BZW1: variants seen among roughly 807,000 people sequenced by gnomAD.
The protein encoded by BZW1 is eIF5-mimic protein 2.
In BZW1, 3 loss-of-function variants were observed where a neutral mutation model predicts 54.1. The ratio of observed to expected loss-of-function variants is 0.06; its 90% CI spans 0.03 to 0.14. The LOEUF is 0.14. BZW1 is among the 10% of genes least tolerant of loss of function. The pLI, the probability that BZW1 is intolerant of heterozygous loss-of-function variation, is 1.00. For missense variants in BZW1, 206 were observed against 491.7 expected, an observed-to-expected ratio of 0.42 and a Z score of 5.50; for synonymous variants, 152 against 162.7, an observed-to-expected ratio of 0.93 and a Z score of 0.50.
At chr2:200,819,796 A>T (rs1347685088) in intron 9 of BZW1, among the ~76,000 whole-genome samples, 186 bp from the exon 10 acceptor site, 1 of 152,136 alleles carries the variant, frequency 6.6e-6, no homozygotes, top group Non-Finnish European at 1.5e-5. Context: ...TCGGCCTCCC[A>T]AAGTGCTGGG....
intron 2 of BZW1, among the ~76,000 whole-genome samples, chr2:200,814,895 A>G (rs1401970852): frequency 1.3e-5 from 2 of 152,248 alleles, no homozygotes; most frequent in Non-Finnish European, 2.9e-5. Flanking sequence ...TTGGGTGCTC[A>G]TTAAATGTAC....
At position 200,825,703 on chromosome 2, in the gene BZW1, C is replaced by T. The variant is rs1416452573; in HGVS notation, c.*3525C>T. 6.6e-6 allele frequency: 1 copy of T among 152,138 alleles called. No homozygotes were observed. The highest frequency in any genetic ancestry group is 1.5e-5 in the Non-Finnish European group (1 of 68,022). 9.4% of individuals were successfully genotyped at this position (152,138 alleles called of 1,614,324 possible). A position where few individuals can be genotyped will look rare whatever the true frequency, so the allele number is the denominator to read the frequency against. ...CTTTCTATAAAAATCAGTGAAAATC[C>T]TCTAGATGAATGAATTAAAGTTGTA... is the stretch of plus-strand genomic sequence containing the variant. On this transcript the variant is annotated 3_prime_UTR_variant, in exon 12 of 12. Coordinates refer to ENST00000409600, the MANE Select transcript of BZW1 (RefSeq NM_001207067.2).
Position 200,814,085 on chromosome 2 carries a change from G to A in BZW1, c.64+804G>A, listed in dbSNP as rs79755870. On this transcript the variant is annotated intron_variant, in intron 2 of 11. Transcript: ENST00000409600. ...GTAGTAGTGGTGGGGAGACCAAAGT[G>A]TGATTTGATTCTAATCTTTGCAGAT... Among the ~76,000 whole-genome samples the A allele has an allele frequency of 6.5e-3, 992 of 152,320 alleles. 17 individuals carry two copies. The highest frequency in any genetic ancestry group is 0.022 in the African/African-American group (932 of 41,572).
In BZW1 at chr2:200,826,537, G is replaced by C. The variant is rs564597232; in HGVS notation, c.*4359G>C. On this transcript the variant is annotated 3_prime_UTR_variant, in exon 12 of 12. Coordinates refer to ENST00000409600, the MANE Select transcript of BZW1 (RefSeq NM_001207067.2). ...CCTTGGGGGTTCACACCATTCTCCTGTCTCAGCCTCCTAGCTGGGATTACA... is the reference window on the plus strand; with the variant it reads ...CCTTGGGGGTTCACACCATTCTCCTCTCTCAGCCTCCTAGCTGGGATTACA... The C allele has an allele frequency of 6.8e-6, 1 of 146,410 alleles. No homozygotes were observed. Among genetic ancestry groups the C allele is most frequent in the Admixed American group, 7.1e-5 (1 of 13,990 alleles). The allele number at this position is 146,410 out of a possible 1,614,324, so 9.1% of individuals were successfully genotyped here.
intron 9 of BZW1, among the ~76,000 whole-genome samples, 177 bp from the exon 10 acceptor site, chr2:200,819,805 G>A (rs970892507): frequency 3.3e-5 from 5 of 152,010 alleles, no homozygotes; most frequent in African/African-American, 1.2e-4. Flanking sequence ...CAAAGTGCTG[G>A]GATTACAGAC....
At chr2:200,815,197 G>A (rs902917188) in intron 2 of BZW1, 144 bp from the exon 3 acceptor site, 6 of 859,546 alleles carry the variant, frequency 7.0e-6, no homozygotes, top group Non-Finnish European at 1.0e-5. Flanking sequence ...GGGCCATCTT[G>A]TCTTACACTT....
Position 200,823,260 on chromosome 2 carries a change from A to G in BZW1, c.*1082A>G, listed in dbSNP as rs186634977. The G allele has an allele frequency of 1.2e-5, 2 of 165,818 alleles. No individual in the cohort carries two copies. The highest frequency in any genetic ancestry group is 1.3e-4 in the Admixed American group (2 of 15,310). The allele number at this position is 165,818 out of a possible 1,614,324, so 10.3% of individuals were successfully genotyped here. Reference sequence around the variant, plus strand: ...ACTGGACTGGCTTCGTTCTCTTAATATACTCAGTAATGACTCAAGCCTCTG... The same window carrying G: ...ACTGGACTGGCTTCGTTCTCTTAATGTACTCAGTAATGACTCAAGCCTCTG... On this transcript the variant is annotated 3_prime_UTR_variant, in exon 12 of 12. Transcript: ENST00000409600.
Position 200,826,198 on chromosome 2 carries a change from T to C in BZW1, c.*4020T>C, listed in dbSNP as rs1312283021. 6.6e-6 allele frequency: 1 copy of C among 152,176 alleles called. No individual in the cohort carries two copies. Among genetic ancestry groups the C allele is most frequent in the Non-Finnish European group, 1.5e-5 (1 of 68,040 alleles). 9.4% of individuals were successfully genotyped at this position (152,176 alleles called of 1,614,324 possible). Reference sequence around the variant, plus strand: ...AATCTTAGACATAATTATATGAAACTGGATCAGAAAGGCTTTCTGACTCCT... The same window carrying C: ...AATCTTAGACATAATTATATGAAACCGGATCAGAAAGGCTTTCTGACTCCT... On this transcript the variant is annotated 3_prime_UTR_variant, in exon 12 of 12. Transcript: ENST00000409600.
rs1348589884 is a variant in BZW1, at chr2:200,826,421, T to TGA, written c.*4243_*4244insGA. On this transcript the variant is annotated 3_prime_UTR_variant, in exon 12 of 12. Transcript: ENST00000409600. ...GATAGATAGATATTTTTTTTTTTTT[T>TGA]TTTTTTTTTTTTTTTTTTTTTGAGA... 797 of 87,710 alleles carry TGA rather than the reference T, an allele frequency of 9.1e-3. 18 individuals are homozygous for TGA. The South Asian group carries it at 0.11, about 12-fold the overall frequency. The allele number at this position is 87,710 out of a possible 1,614,324, so 5.4% of individuals were successfully genotyped here.
chr2:200,816,413 T>C (rs1488878175), intron 5 of BZW1, 23 bp downstream of exon 5: 6 of 1,482,366 alleles, frequency 4.0e-6, no homozygotes, highest in Non-Finnish European at 5.5e-6. Context: ...ATGTACTTTG[T>C]GGAAAAGAAA....
chr2:200,821,452 TTTAA>T, intron 11 of BZW1, 147 bp downstream of exon 11: 1 of 888,204 alleles, frequency 1.1e-6, no homozygotes, highest in Non-Finnish European at 1.7e-6. Context: ...AAAGCTAGAG[TTTAA>T]TTATTATAGT....
In BZW1 at chr2:200,817,985, G is replaced by C. The variant is rs1426669311; in HGVS notation, c.550G>C (p.Ala184Pro). 2 of 1,547,542 alleles carry C rather than the reference G, an allele frequency of 1.3e-6. No individual in the cohort carries two copies. The highest frequency in any genetic ancestry group is 1.7e-6 in the Non-Finnish European group (2 of 1,145,126). ...ATTTTCTTTTACAGGAGTTTCAGCA[G>C]CTTTTGCTGTGAAGCTCTTTAAATC... ...ENLVKEGVSA[A>P]FAVKLFKSWI... The change falls in exon 7 of 12, where the codon GCT becomes CCT. Residue 184 changes from alanine (A) to proline (P), a missense_variant. Coordinates refer to ENST00000409600, the MANE Select transcript of BZW1 (RefSeq NM_001207067.2).
At chr2:200,811,847 A>C (rs2038073575), upstream of BZW1, 1 of 172,332 alleles carries the variant, frequency 5.8e-6, no homozygotes, top group Non-Finnish European at 1.2e-5. Flanking sequence ...GGGCAAGGGG[A>C]AGAAATCTCG....
intron 8 of BZW1, among the ~76,000 whole-genome samples, 139 bp from the exon 9 acceptor site, chr2:200,818,602 GTTGTAAAGGTCTCT>G (rs1013739402): frequency 6.6e-6 from 1 of 152,220 alleles, no homozygotes; most frequent in African/African-American, 2.4e-5. Flanking sequence ...GCACCTTTCA[GTTGTAAAGGTCTCT>G]TTTTATATGT....
intron 11 of BZW1, 85 bp from the exon 12 acceptor site, chr2:200,822,062 C>T: frequency 1.5e-6 from 2 of 1,301,142 alleles, no homozygotes; most frequent in Non-Finnish European, 2.2e-6. Flanking sequence ...GAGGGAGACT[C>T]TGTCTTAAAG....
Position 200,824,312 on chromosome 2 carries a change from A to G in BZW1, c.*2134A>G, listed in dbSNP as rs932796007. The G allele has an allele frequency of 1.7e-4, 26 of 152,154 alleles. No individual in the cohort carries two copies. Among genetic ancestry groups the G allele is most frequent in the African/African-American group, 6.0e-4 (25 of 41,450 alleles). 9.4% of individuals were successfully genotyped at this position (152,154 alleles called of 1,614,324 possible). A position where few individuals can be genotyped will look rare whatever the true frequency, so the allele number is the denominator to read the frequency against. Reference sequence around the variant, plus strand: ...AGAATTCAGGTGCCAGTGCCAGCCTATGGCCTCAAGTATGTAATTCTTAAT... The same window carrying G: ...AGAATTCAGGTGCCAGTGCCAGCCTGTGGCCTCAAGTATGTAATTCTTAAT... On this transcript the variant is annotated 3_prime_UTR_variant, in exon 12 of 12. Transcript: ENST00000409600.
rs1170485097 is a variant in BZW1 at position 200,821,799 on chromosome 2, G to A, written c.1229-348G>A. ...TCAAAGTTACATGGAGGCTGGGTGT[G>A]GTGGCTCACGCCTGTAATCCTAGCA... On this transcript the variant is annotated intron_variant, in intron 11 of 11. Coordinates refer to ENST00000409600, the MANE Select transcript of BZW1 (RefSeq NM_001207067.2). Among the ~76,000 whole-genome samples, 3 of 152,168 alleles carry A rather than the reference G, an allele frequency of 2.0e-5. No individual in the cohort carries two copies. In the East Asian group the frequency reaches 5.8e-4, roughly 29 times the overall value.
intron 9 of BZW1, among the ~76,000 whole-genome samples, chr2:200,819,294 G>A (rs2038415417): frequency 6.6e-6 from 1 of 152,164 alleles, no homozygotes; most frequent in Non-Finnish European, 1.5e-5. Context: ...GGAGGCTGAG[G>A]CAGAGGATCT....
intron 1 of BZW1, chr2:200,812,530 C>G: frequency 2.9e-6 from 4 of 1,392,532 alleles, no homozygotes; most frequent in Non-Finnish European, 3.7e-6. Context: ...CTACGGCGCC[C>G]CGCTGTGGCC....
Sources: gnomAD v4.1 joint callset for allele counts (sites outside exome capture counted in the v4.1 genomes callset) on GRCh38, gnomAD v4.1.1 for gene constraint, MANE v1.5 for transcripts, NCBI Gene and HGNC (gene_info 2026-07-23, HGNC 2026-07-21) for gene names.